The following EVI5 variants were observed in gnomAD, a reference collection of about 807,000 sequenced individuals.
EVI5 encodes the protein ecotropic viral integration site 5, also known as ecotropic viral integration site 5 protein homolog.
EVI5 carries 73 observed loss-of-function variants against 112.0 expected under a neutral mutation model. The observed-to-expected ratio is 0.65, with a 90% confidence interval of 0.54 to 0.79. EVI5 has a LOEUF of 0.79. Ranked by LOEUF, EVI5 falls within the 30% of genes least tolerant of loss-of-function variation. EVI5 has a pLI of 0.00. For synonymous variants in EVI5, 305 were observed against 319.9 expected, an observed-to-expected ratio of 0.95 and a Z score of 0.50; for missense variants, 900 against 968.8, an observed-to-expected ratio of 0.93 and a Z score of 0.94.
At position 92,697,892 on chromosome 1, in the gene EVI5, G is replaced by C. The variant is rs376957323; in HGVS notation, c.733C>G (p.Leu245Val). 2.1e-5 allele frequency: 34 copies of C among 1,612,646 alleles called. No individual in the cohort carries two copies. The highest frequency in any genetic ancestry group is 2.6e-5 in the Non-Finnish European group (31 of 1,179,106). The change falls in exon 6 of 20, where the codon CTT becomes GTT. Residue 245 changes from leucine to valine, a missense_variant. Physicochemically the swap from Leu to Val is conservative, Grantham distance 32. Coordinates refer to ENST00000684568, the MANE Select transcript of EVI5 (RefSeq NM_001350197.2). ...ATACATTCAAACTGGTACATACAAA[G>C]GCCCAATTCTGCCATACTTGGTTTA... ...LFKPSMAELG[L>V]CMYQFECMIQ...
intron 1 of EVI5, among the ~76,000 whole-genome samples, chr1:92,752,646 G>A (rs1365738913): frequency 1.3e-5 from 2 of 152,038 alleles, no homozygotes; most frequent in Non-Finnish European, 2.9e-5. Flanking sequence ...TGAGCATGAC[G>A]AGGGGCAGCG....
intron 13 of EVI5, among the ~76,000 whole-genome samples, chr1:92,649,891 T>C (rs1027324769): frequency 3.3e-5 from 5 of 152,246 alleles, no homozygotes; most frequent in Non-Finnish European, 7.3e-5. Context: ...AATTTCATTC[T>C]TTAGCAGGAG....
intron 19 of EVI5, 112 bp downstream of exon 19, chr1:92,563,530 T>C: frequency 1.9e-6 from 1 of 530,538 alleles, no homozygotes; most frequent in Non-Finnish European, 3.4e-6. Context: ...AACCAATAAT[T>C]CACAGAAGAT....
intron 9 of EVI5, among the ~76,000 whole-genome samples, chr1:92,681,303 C>T (rs772222265): frequency 3.3e-5 from 5 of 152,062 alleles, no homozygotes; most frequent in Non-Finnish European, 4.4e-5. Context: ...CTCAAATGGA[C>T]CTCCCCCAAA....
At chr1:92,524,551 A>G (rs953370485) in intron 19 of EVI5, among the ~76,000 whole-genome samples, 1 of 152,216 alleles carries the variant, frequency 6.6e-6, no homozygotes, top group African/African-American at 2.4e-5. Flanking sequence ...TCTAGTTTCA[A>G]GTCTAGGCCC....
intron 10 of EVI5, among the ~76,000 whole-genome samples, chr1:92,667,956 A>T (rs76263939): frequency 0.069 from 10,516 of 151,990 alleles, 483 homozygotes; most frequent in Non-Finnish European, 0.099. Flanking sequence ...TTGTTCCAGA[A>T]CTCAATCAAG....
rs571489105 is a variant in EVI5 at position 92,669,346 on chromosome 1, G to A, written c.1159-3354C>T. On this transcript the variant is annotated intron_variant, in intron 10 of 19. Transcript: ENST00000684568. ...GTGGATCACTTGAGGCCAGAAGTTCGAGACCAGCCAGGCCAACATGGCAAA... is the reference window on the plus strand; with the variant it reads ...GTGGATCACTTGAGGCCAGAAGTTCAAGACCAGCCAGGCCAACATGGCAAA... 2.5e-3 allele frequency among the ~76,000 whole-genome samples: 384 copies of A among 151,838 alleles called. 1 individual carries two copies. The highest frequency in any genetic ancestry group is 8.7e-3 in the African/African-American group (362 of 41,398).
intron 9 of EVI5, among the ~76,000 whole-genome samples, chr1:92,677,917 T>TTAAG (rs1667001384): frequency 6.6e-6 from 1 of 152,114 alleles, no homozygotes; most frequent in Admixed American, 6.5e-5. Context: ...TGCACCCCTG[T>TTAAG]TAAGATGTAC....
intron 4 of EVI5, 35 bp from the exon 5 acceptor site, chr1:92,702,250 G>A (rs1482784773): frequency 8.9e-7 from 1 of 1,125,932 alleles, no homozygotes; most frequent in Non-Finnish European, 1.3e-6. Flanking sequence ...AAAATACATG[G>A]TAAGTTATAC....
intron 1 of EVI5, among the ~76,000 whole-genome samples, chr1:92,790,536 T>A (rs1686016318): frequency 6.6e-6 from 1 of 151,816 alleles, no homozygotes; most frequent in Admixed American, 6.6e-5. Flanking sequence ...TTTTTTTTTT[T>A]AAATGAAGGC....
chr1:92,605,399 T>C lies in EVI5; in HGVS notation c.1978A>G (p.Lys660Glu). ...AGCCTCACAGCCATCACTTCTTCCT[T>C]ATTCTAGTGTGGTAAACCAAACCGA... ...RKQAEIECKN[K>E]EEVMAVRLRE... The change falls in exon 18 of 20, where the codon AAG becomes GAG. Residue 660 changes from lysine (K) to glutamate (E), a missense_variant. Physicochemically the swap from Lys to Glu is moderately conservative, Grantham distance 56 (BLOSUM62 1). Coordinates refer to ENST00000684568, the MANE Select transcript of EVI5 (RefSeq NM_001350197.2). 1 of 1,607,370 alleles carries C rather than the reference T, an allele frequency of 6.2e-7. No homozygotes were observed. The highest frequency in any genetic ancestry group is 8.5e-7 in the Non-Finnish European group (1 of 1,174,630).
chr1:92,556,079 T>C (rs78885948), intron 19 of EVI5, among the ~76,000 whole-genome samples: 1 of 151,192 alleles, frequency 6.6e-6, no homozygotes, highest in South Asian at 2.1e-4. Context: ...TTTTTTTTTT[T>C]CTGAGATGAA....
At chr1:92,706,412 A>G (rs1671980784) in intron 2 of EVI5, among the ~76,000 whole-genome samples, 1 of 152,228 alleles carries the variant, frequency 6.6e-6, no homozygotes, top group Admixed American at 6.5e-5. Flanking sequence ...AACAAATTTT[A>G]CTGAAATAAC....
intron 1 of EVI5, among the ~76,000 whole-genome samples, chr1:92,762,201 T>C (rs1681984564): frequency 6.6e-6 from 1 of 152,226 alleles, no homozygotes; most frequent in South Asian, 2.1e-4. Context: ...TCCAAGTTAA[T>C]ATTATCTGTA....
At chr1:92,636,491 T>C (rs369987731) in intron 13 of EVI5, among the ~76,000 whole-genome samples, 155 bp from the exon 14 acceptor site, 1 of 152,230 alleles carries the variant, frequency 6.6e-6, no homozygotes, top group African/African-American at 2.4e-5. Context: ...TCTCCTCCAA[T>C]TAACTTCTCC....
chr1:92,714,808 C>G (rs550799561), intron 2 of EVI5, among the ~76,000 whole-genome samples: 1 of 152,214 alleles, frequency 6.6e-6, no homozygotes, highest in South Asian at 2.1e-4. Context: ...CCAGGCTGGT[C>G]TTGAACTCTT....
chr1:92,657,381 C>G (rs555564788), intron 13 of EVI5, among the ~76,000 whole-genome samples: 1 of 152,092 alleles, frequency 6.6e-6, no homozygotes, highest in African/African-American at 2.4e-5. Context: ...ACCAAACATA[C>G]GCCAGGTACG....
chr1:92,716,992 A>C (rs1456210905), intron 2 of EVI5, among the ~76,000 whole-genome samples: 1 of 152,146 alleles, frequency 6.6e-6, no homozygotes, highest in East Asian at 1.9e-4. Context: ...CTCCGAGCTA[A>C]AGGAGGATGT....
At chr1:92,588,233 T>A (rs1054123085) in intron 18 of EVI5, among the ~76,000 whole-genome samples, 1 of 152,218 alleles carries the variant, frequency 6.6e-6, no homozygotes, top group Non-Finnish European at 1.5e-5. Flanking sequence ...ATCTAACTGA[T>A]CACTCCCATG....
Sources: allele counts gnomAD v4.1 joint callset (sites outside exome capture counted in the v4.1 genomes callset), GRCh38; gene constraint gnomAD v4.1.1; transcripts MANE v1.5; gene names NCBI Gene and HGNC (gene_info 2026-07-23, HGNC 2026-07-21).